The following DNAJA3 variants were observed in gnomAD, a reference collection of about 807,000 sequenced individuals.
DNAJA3 encodes DnaJ heat shock protein family (Hsp40) member A3.
Under a neutral mutation model 54.9 loss-of-function variants are expected in DNAJA3, and 29 were observed. That is an observed-to-expected ratio of 0.53 (90% confidence interval 0.39 to 0.72). The LOEUF is 0.72. Ranked by LOEUF, DNAJA3 falls within the 30% of genes least tolerant of loss-of-function variation. The probability of loss-of-function intolerance (pLI) is 0.00; values close to 1 mark genes in which losing one functional copy is unlikely to be tolerated. For synonymous variants in DNAJA3, 302 were observed against 251.4 expected (o/e 1.20, Z -1.90); for missense variants, 708 against 639.4 (o/e 1.11, Z -1.16).
chr16:4,433,862 A>G (rs953827764), intron 1 of DNAJA3: 3 of 156,610 alleles, frequency 1.9e-5, no homozygotes, highest in African/African-American at 7.2e-5. Context: ...ATATTAATTG[A>G]ATACTGTGGC....
intron 2 of DNAJA3, 100 bp downstream of exon 2, chr16:4,434,617 G>C: frequency 7.4e-7 from 1 of 1,357,198 alleles, no homozygotes; most frequent in Non-Finnish European, 1.0e-6. Flanking sequence ...ATATGAATAG[G>C]TCTCATGAGC....
chr16:4,434,523 T>C lies in DNAJA3; in HGVS notation c.345+6T>C. The C allele has an allele frequency of 6.2e-7, 1 of 1,607,446 alleles. No individual in the cohort carries two copies. The highest frequency in any genetic ancestry group is 1.1e-5 in the South Asian group (1 of 89,710). On this transcript the variant is annotated splice_donor_region_variant and intron_variant, in intron 2 of 11. Transcript: ENST00000262375. ...TCAAGAAAGCCTATTATCAGGTCTG[T>C]ATGGAAGTCAGGTTTTGGTGACCAA...
At chr16:4,454,481 T>G (rs1196608914) in intron 10 of DNAJA3, among the ~76,000 whole-genome samples, 1 of 152,106 alleles carries the variant, frequency 6.6e-6, no homozygotes. Context: ...GCCTGGGAGG[T>G]GCCTGGCACT....
At chr16:4,454,790 C>T in intron 10 of DNAJA3, 21 bp from the exon 11 acceptor site, 1 of 1,589,060 alleles carries the variant, frequency 6.3e-7, no homozygotes, top group Non-Finnish European at 8.6e-7. Context: ...GACGCCAGTT[C>T]TTTCTGCTGT....
chr16:4,438,137 A>T (rs370195314), intron 3 of DNAJA3, among the ~76,000 whole-genome samples: 3 of 152,166 alleles, frequency 2.0e-5, no homozygotes, highest in South Asian at 4.2e-4. Flanking sequence ...TAACACGGTG[A>T]AACCCCGTCT....
At chr16:4,436,648 G>T (rs1174651997) in intron 2 of DNAJA3, among the ~76,000 whole-genome samples, 1 of 151,952 alleles carries the variant, frequency 6.6e-6, no homozygotes, top group Non-Finnish European at 1.5e-5. Flanking sequence ...CAATTCTCCT[G>T]CCTCAGCCTC....
chr16:4,434,203 C>T, intron 1 of DNAJA3, 181 bp from the exon 2 acceptor site: 1 of 621,140 alleles, frequency 1.6e-6, no homozygotes, highest in East Asian at 2.9e-5. Context: ...CCATCAGGTC[C>T]CTCCCATGAC....
At chr16:4,431,091 G>GCT (rs2056693900) in intron 1 of DNAJA3, 1 of 152,094 alleles carries the variant, frequency 6.6e-6, no homozygotes, top group African/African-American at 2.4e-5. Context: ...AACGTGATTT[G>GCT]TCTTTATCCA....
In DNAJA3 at chr16:4,454,811, G is replaced by A; in HGVS notation, c.1340G>A (p.Gly447Asp). Residue 447 changes from glycine to aspartate, a missense_variant and splice_region_variant, in exon 11 of 12, where the codon GGT (glycine) becomes GAT (aspartate). Transcript: ENST00000262375. ...AGTTCTTTCTGCTGTTTGTGCCCAG[G>A]TGGCAGCACCATGGATAGCTCCGCA... ...TVNGVTLTSSGGSTMDSSAGS... is the reference protein window; with the variant it reads ...TVNGVTLTSSDGSTMDSSAGS... 1.2e-6 allele frequency: 2 copies of A among 1,612,148 alleles called. No individual in the cohort carries two copies. The highest frequency in any genetic ancestry group is 1.7e-6 in the Non-Finnish European group (2 of 1,178,436).
In DNAJA3 at chr16:4,449,023, G is replaced by T. The variant is rs184989566; in HGVS notation, c.1241+175G>T. Among the ~76,000 whole-genome samples, 14 of 152,234 alleles carry T rather than the reference G, an allele frequency of 9.2e-5. No homozygotes were observed. The East Asian group carries it at 2.7e-3, about 29-fold the overall frequency. ...TCAACTTCTTTTTTTTTGAGATGGA[G>T]TCTCGCTGTGTCCCCCAGGCTGGAG... On this transcript the variant is annotated intron_variant, in intron 9 of 11. Coordinates refer to ENST00000262375, the MANE Select transcript of DNAJA3 (RefSeq NM_005147.6).
intron 11 of DNAJA3, 110 bp from the exon 12 acceptor site, chr16:4,455,436 T>TTA: frequency 7.5e-7 from 1 of 1,331,492 alleles, no homozygotes; most frequent in East Asian, 2.5e-5. Flanking sequence ...AGTGGGGTTC[T>TTA]CGCCCCTCTC....
chr16:4,450,092 T>G, intron 9 of DNAJA3: 1 of 275,322 alleles, frequency 3.6e-6, no homozygotes, highest in Non-Finnish European at 6.8e-6. Flanking sequence ...CTGGCCTAAT[T>G]AGATAATTTC....
intron 1 of DNAJA3, among the ~76,000 whole-genome samples, chr16:4,428,562 T>C (rs1453520504): frequency 6.6e-6 from 1 of 152,218 alleles, no homozygotes; most frequent in Non-Finnish European, 1.5e-5. Context: ...TATTATTGTG[T>C]ATGTGAAAGA....
chr16:4,448,795 T>A lies in DNAJA3; in HGVS notation c.1188T>A (p.Ile396=), dbSNP rs749509441. 2 of 1,614,132 alleles carry A rather than the reference T, an allele frequency of 1.2e-6. No individual in the cohort carries two copies. The highest frequency in any genetic ancestry group is 1.7e-6 in the Non-Finnish European group (2 of 1,180,010). ...TGGGTGGGAAAGGCATCCCCCGGAT[T>A]AACAGCTACGGCTACGGAGACCACT... The part of the protein sequence containing the change: ...IRMGGKGIPR[I]NSYGYGDHYI... The change falls in exon 9 of 12, where the codon ATT becomes ATA. Residue 396 remains isoleucine, a synonymous_variant. Transcript: ENST00000262375.
Position 4,434,422 on chromosome 16 carries a change from C to T in DNAJA3, c.250C>T (p.His84Tyr). The change falls in exon 2 of 12, where the codon CAC becomes TAC. Residue 84 changes from histidine to tyrosine, a missense_variant. Transcript: ENST00000262375. ...CCCTTTCATTTGTACTGCCTCCTTC[C>T]ACACGAGTGCCCCTTTGGCCAAAGA... ...HNPFICTASF[H>Y]TSAPLAKEDY... 1.2e-6 allele frequency: 2 copies of T among 1,613,842 alleles called. No individual in the cohort carries two copies. Among genetic ancestry groups the T allele is most frequent in the East Asian group, 2.2e-5 (1 of 44,882 alleles).
Position 4,425,893 on chromosome 16 carries a change from G to A in DNAJA3, c.12G>A (p.Arg4=), listed in dbSNP as rs899636348. 6 of 1,538,796 alleles carry A rather than the reference G, an allele frequency of 3.9e-6. No homozygotes were observed. The African/African-American group carries it at 5.6e-5, about 14-fold the overall frequency. Residue 4 remains arginine, a synonymous_variant, in exon 1 of 12, where the codon CGG becomes CGA. Transcript: ENST00000262375. MAA[R]CSTRWLLVVV... ...GTCCCCGGGCCAAGATGGCTGCGCG[G>A]TGCTCCACACGCTGGTTGCTGGTGG...
chr16:4,427,920 C>T (rs1032273172), intron 1 of DNAJA3, among the ~76,000 whole-genome samples: 22 of 152,120 alleles, frequency 1.4e-4, no homozygotes, highest in Non-Finnish European at 2.2e-4. Context: ...GCTGGGGTTA[C>T]AGGCATCAGC....
At chr16:4,445,873 C>G (rs986712495) in intron 7 of DNAJA3, among the ~76,000 whole-genome samples, 2 of 151,662 alleles carry the variant, frequency 1.3e-5, no homozygotes, top group Admixed American at 6.6e-5. Context: ...GTTACCTCCA[C>G]TGGGTTGTGG....
intron 3 of DNAJA3, among the ~76,000 whole-genome samples, chr16:4,438,635 C>CTTTTTTTTTTTTTT (rs56211652): frequency 4.5e-5 from 5 of 110,648 alleles, no homozygotes; most frequent in African/African-American, 3.6e-5. Flanking sequence ...ACAATCTTTT[C>CTTTTTTTTTTTTTT]TTTTTTTTTT....
Sources: gnomAD v4.1 joint callset for allele counts (sites outside exome capture counted in the v4.1 genomes callset) on GRCh38, gnomAD v4.1.1 for gene constraint, MANE v1.5 for transcripts, NCBI Gene and HGNC (gene_info 2026-07-23, HGNC 2026-07-21) for gene names.